CKAP2: variants seen among roughly 807,000 people sequenced by gnomAD.
CKAP2 encodes the protein cytoskeleton associated protein 2.
In CKAP2, 46 loss-of-function variants were observed where a neutral mutation model predicts 58.4. That is an observed-to-expected ratio of 0.79 (90% CI 0.62 to 1.01). The LOEUF (loss-of-function observed/expected upper bound fraction) is 1.01, where lower values mean the gene tolerates loss of function less well. Ranked by LOEUF, CKAP2 falls within the 50% of genes least tolerant of loss-of-function variation. The pLI is 0.00. For synonymous variants in CKAP2, 293 were observed against 280.9 expected (o/e 1.04, Z -0.43); for missense variants, 809 against 796.4 (o/e 1.02, Z -0.19).
Position 52,474,081 on chromosome 13 carries a change from A to G in CKAP2, c.1799A>G (p.Gln600Arg), listed in dbSNP as rs1958796029. The G allele has an allele frequency of 7.5e-6, 12 of 1,607,386 alleles. No homozygotes were observed. The highest frequency in any genetic ancestry group is 1.7e-5 in the Admixed American group (1 of 58,986). Residue 600 changes from glutamine to arginine, a missense_variant, in exon 8 of 9, where the codon CAA becomes CGA. Gln to Arg is a conservative substitution (Grantham distance 43). This residue lies in a region of CKAP2 where 283 missense variants were observed against 287.6 expected (regional missense o/e 0.98). Coordinates refer to ENST00000258607, the MANE Select transcript of CKAP2 (RefSeq NM_018204.5). ...KYNVSTTPYL[Q>R]SVKKKVQFDG... ...AATGTGTCTACTACGCCATACTTGCAAAGGTAAACTTTTAAAATGTACCAT... is the reference window on the plus strand; with the variant it reads ...AATGTGTCTACTACGCCATACTTGCGAAGGTAAACTTTTAAAATGTACCAT...
Position 52,476,301 on chromosome 13 carries a change from T to C in CKAP2, c.*1160T>C, listed in dbSNP as rs1304376047. The C allele has an allele frequency of 1.3e-5, 2 of 152,230 alleles. No individual in the cohort carries two copies. The highest frequency in any genetic ancestry group is 2.9e-5 in the Non-Finnish European group (2 of 68,028). 9.4% of individuals were successfully genotyped at this position (152,230 alleles called of 1,614,324 possible). On this transcript the variant is annotated 3_prime_UTR_variant, in exon 9 of 9. Transcript: ENST00000258607. Reference sequence around the variant, plus strand: ...CTTCTCATGTTCTAGAGAGTAGGACTTTTATTCCGTGTACCTGATATATAT... The same window carrying C: ...CTTCTCATGTTCTAGAGAGTAGGACCTTTATTCCGTGTACCTGATATATAT...
chr13:52,475,316 A>G lies in CKAP2; in HGVS notation c.*175A>G, dbSNP rs959423520. The stretch of plus-strand genomic sequence containing the variant: ...TGTTATGGCAAGAGTTGTCCTCTAC[A>G]TTGGAAAGCTAATCCTACCTTGTCA... On this transcript the variant is annotated 3_prime_UTR_variant, in exon 9 of 9. Coordinates refer to ENST00000258607, the MANE Select transcript of CKAP2 (RefSeq NM_018204.5). The G allele has an allele frequency of 1.8e-5, 14 of 765,006 alleles. No homozygotes were observed. Among genetic ancestry groups the G allele is most frequent in the Middle Eastern group, 7.6e-4 (2 of 2,622 alleles). 47.4% of individuals were successfully genotyped at this position (765,006 alleles called of 1,614,324 possible). A position where few individuals can be genotyped will look rare whatever the true frequency, so the allele number is the denominator to read the frequency against.
Position 52,461,927 on chromosome 13 carries a change from G to GT in CKAP2, c.1100+2dup. The GT allele has an allele frequency of 1.3e-6, 2 of 1,576,802 alleles. No individual in the cohort carries two copies. Among genetic ancestry groups the GT allele is most frequent in the Non-Finnish European group, 1.7e-6 (2 of 1,166,876 alleles). On this transcript the variant is annotated splice_donor_variant, in intron 4 of 8. Transcript: ENST00000258607. LOFTEE classifies it high-confidence loss of function. Reference sequence around the variant, plus strand: ...CCAAAGAAACCTCGGAAGAGAGAAAGTAAGTAGATATAATTTTCTTTATTA... The same window carrying GT: ...CCAAAGAAACCTCGGAAGAGAGAAAGTTAAGTAGATATAATTTTCTTTATTA...
chr13:52,460,826 C>T, intron 2 of CKAP2, 73 bp from the exon 3 acceptor site: 1 of 1,291,048 alleles, frequency 7.7e-7, no homozygotes, highest in Non-Finnish European at 1.1e-6. Flanking sequence ...ACATTGCCCT[C>T]TTCTTCCTCC....
Position 52,465,967 on chromosome 13 carries a change from A to G in CKAP2, c.1476+502A>G, listed in dbSNP as rs188186417. ...TACACATATATATGCACACATATAT[A>G]CACACATATATGCACACATATATGC... On this transcript the variant is annotated intron_variant, in intron 6 of 8. Coordinates refer to ENST00000258607, the MANE Select transcript of CKAP2 (RefSeq NM_018204.5). The G allele has an allele frequency of 3.1e-3, 384 of 125,830 alleles. 2 individuals carry two copies. The highest frequency in any genetic ancestry group is 0.012 in the African/African-American group (329 of 26,958). 7.8% of individuals were successfully genotyped at this position (125,830 alleles called of 1,614,324 possible).
intron 2 of CKAP2, among the ~76,000 whole-genome samples, chr13:52,458,000 T>C (rs1856514324): frequency 6.6e-6 from 1 of 152,240 alleles, no homozygotes; most frequent in African/African-American, 2.4e-5. Context: ...TTCTTTGACC[T>C]GTTTATATTT....
rs754349566 is a variant in CKAP2 at position 52,461,911 on chromosome 13, C to G, written c.1085C>G (p.Thr362Ser). ...AGTAGATCAGCTCAGCCCAAAGAAA[C>G]CTCGGAAGAGAGAAAGTAAGTAGAT... Reference protein sequence around the residue: ...VDSRSAQPKETSEERKARLSE... With the variant: ...VDSRSAQPKESSEERKARLSE... The change falls in exon 4 of 9, where the codon ACC (threonine) becomes AGC (serine). Residue 362 changes from threonine (T) to serine (S), a missense_variant. Around this residue, in one of 3 missense-constraint regions of CKAP2, gnomAD observed 523 missense variants for 492.4 expected, o/e 1.06. Transcript: ENST00000258607. The G allele has an allele frequency of 1.9e-6, 3 of 1,592,898 alleles. No homozygotes were observed. In the East Asian group the frequency reaches 6.7e-5, roughly 36 times the overall value.
intron 2 of CKAP2, among the ~76,000 whole-genome samples, chr13:52,456,930 G>C (rs1449104740): frequency 6.6e-6 from 1 of 151,546 alleles, no homozygotes; most frequent in Non-Finnish European, 1.5e-5. Flanking sequence ...GTCTCACTCT[G>C]TTGCCAGGTT....
intron 7 of CKAP2, 137 bp from the exon 8 acceptor site, chr13:52,473,692 G>A: frequency 1.5e-6 from 1 of 679,300 alleles, no homozygotes; most frequent in Non-Finnish European, 2.5e-6. Context: ...TATTTGCTGA[G>A]GAAAAGGAAT....
intron 2 of CKAP2, among the ~76,000 whole-genome samples, chr13:52,458,233 A>C (rs1958518203): frequency 6.6e-6 from 1 of 152,116 alleles, no homozygotes; most frequent in African/African-American, 2.4e-5. Context: ...GAGCTGGGGA[A>C]TTAGGAGTTC....
intron 6 of CKAP2, among the ~76,000 whole-genome samples, chr13:52,467,100 CAAAA>C (rs34473477): frequency 0.011 from 1,241 of 110,646 alleles, 16 homozygotes; most frequent in African/African-American, 0.041. Context: ...CACCCTGTCT[CAAAA>C]AAAAAAAAAA....
At chr13:52,463,478 T>TA (rs1958615101) in intron 5 of CKAP2, among the ~76,000 whole-genome samples, 1 of 151,946 alleles carries the variant, frequency 6.6e-6, no homozygotes, top group African/African-American at 2.4e-5. Context: ...ATTAACAGTT[T>TA]AAAAAAAGAC....
chr13:52,456,167 T>TA (rs2137828350), intron 1 of CKAP2: 1 of 1,048,626 alleles, frequency 9.5e-7, no homozygotes, highest in East Asian at 7.9e-5. Flanking sequence ...AATTCTCATC[T>TA]AACCCAGTTC....
intron 5 of CKAP2, among the ~76,000 whole-genome samples, chr13:52,463,499 A>T (rs1283143045): frequency 6.6e-6 from 1 of 152,214 alleles, no homozygotes. Context: ...ACATTAATAC[A>T]GTGAAAAATA....
chr13:52,457,454 T>C (rs943035353), intron 2 of CKAP2, among the ~76,000 whole-genome samples: 1 of 152,144 alleles, frequency 6.6e-6, no homozygotes, highest in Non-Finnish European at 1.5e-5. Context: ...TTTGTTAAAA[T>C]ATCTTAGATA....
chr13:52,465,566 A>C, intron 6 of CKAP2, 101 bp downstream of exon 6: 1 of 1,016,922 alleles, frequency 9.8e-7, no homozygotes, highest in Non-Finnish European at 1.5e-6. Context: ...TTTTCTTTGT[A>C]TATGTAGTGG....
chr13:52,469,509 G>T lies in CKAP2; in HGVS notation c.1546+1162G>T, dbSNP rs966503567. Among the ~76,000 whole-genome samples, 4 of 151,876 alleles carry T rather than the reference G, an allele frequency of 2.6e-5. No individual in the cohort carries two copies. The East Asian group carries it at 7.7e-4, about 29-fold the overall frequency. ...AGATAAAGTTTATGCCAGTTGATAT[G>T]ATTTTAGGCAAAAAATACCCTCTTA... On this transcript the variant is annotated intron_variant, in intron 7 of 8. Coordinates refer to ENST00000258607, the MANE Select transcript of CKAP2 (RefSeq NM_018204.5).
At position 52,462,400 on chromosome 13, in the gene CKAP2, G is replaced by A. The variant is rs1347394861; in HGVS notation, c.1138G>A (p.Val380Met). ...LSEWKAGKGRVLKRPPNSVVT... is the reference protein window; with the variant it reads ...LSEWKAGKGRMLKRPPNSVVT... ...TGAGTGGAAAGCTGGCAAAGGAAGA[G>A]TGCTAAAAAGGCCCCCTAATTCAGT... is the stretch of plus-strand genomic sequence containing the variant. Residue 380 changes from valine (V) to methionine (M), a missense_variant, in exon 5 of 9, where the codon GTG (valine) becomes ATG (methionine). By Grantham distance (21) the Val-to-Met change is conservative. Coordinates refer to ENST00000258607, the MANE Select transcript of CKAP2 (RefSeq NM_018204.5). The A allele has an allele frequency of 6.2e-7, 1 of 1,613,974 alleles. No individual in the cohort carries two copies. The highest frequency in any genetic ancestry group is 1.3e-5 in the African/African-American group (1 of 74,918).
intron 2 of CKAP2, 35 bp from the exon 3 acceptor site, chr13:52,460,864 T>G: frequency 1.3e-6 from 2 of 1,587,996 alleles, no homozygotes; most frequent in Non-Finnish European, 1.7e-6. Context: ...TGGTACAGGA[T>G]TGATTGATCA....
Sources: gnomAD v4.1 joint callset for allele counts (sites outside exome capture counted in the v4.1 genomes callset) on GRCh38, gnomAD v4.1.1 for gene constraint, gnomAD v4.1.1 regional missense constraint, MANE v1.5 for transcripts, NCBI Gene and HGNC (gene_info 2026-07-23, HGNC 2026-07-21) for gene names.